The following PMFBP1 variants were observed in gnomAD, a reference collection of about 807,000 sequenced individuals.
PMFBP1 encodes the protein polyamine-modulated factor 1-binding protein 1.
A neutral mutation model predicts 137.8 loss-of-function variants in PMFBP1; 131 were observed. The ratio of observed to expected loss-of-function variants is 0.95; its 90% CI spans 0.82 to 1.10. The LOEUF (loss-of-function observed/expected upper bound fraction) is 1.10, where lower values mean the gene tolerates loss of function less well. PMFBP1 is among the 50% of genes least tolerant of loss of function. The probability of loss-of-function intolerance (pLI) is 0.00; values close to 1 mark genes in which losing one functional copy is unlikely to be tolerated. For synonymous variants in PMFBP1, 490 were observed against 450.4 expected, an observed-to-expected ratio of 1.09 and a Z score of -1.11; for missense variants, 1,199 against 1,175.4, an observed-to-expected ratio of 1.02 and a Z score of -0.29.
chr16:72,130,472 G>C, intron 11 of PMFBP1, 61 bp downstream of exon 11: 1 of 1,607,532 alleles, frequency 6.2e-7, no homozygotes, highest in Non-Finnish European at 8.5e-7. Flanking sequence ...TGCCCACAGA[G>C]GGCCCGGCTG....
chr16:72,165,424 T>C (rs1597491635), intron 2 of PMFBP1, among the ~76,000 whole-genome samples: 1 of 151,872 alleles, frequency 6.6e-6, no homozygotes, highest in East Asian at 1.9e-4. Context: ...CTTTCTTTTT[T>C]TTTTTTTTGA....
the PMFBP1 span, among the ~76,000 whole-genome samples, chr16:72,223,558 AATACC>A: frequency 3.3e-5 from 5 of 152,316 alleles, no homozygotes; most frequent in East Asian, 9.6e-4. Flanking sequence ...CAGTGTTTTG[AATACC>A]ATGCTGGACC....
At chr16:72,211,376 G>A in the PMFBP1 span, among the ~76,000 whole-genome samples, 1 of 152,126 alleles carries the variant, frequency 6.6e-6, no homozygotes, top group African/African-American at 2.4e-5. Context: ...TGGCCCTAGG[G>A]ACTAAACTTC....
Position 72,140,600 on chromosome 16 carries a change from A to T in PMFBP1, c.637-18T>A. The T allele has an allele frequency of 6.2e-7, 1 of 1,606,060 alleles. No individual in the cohort carries two copies. The highest frequency in any genetic ancestry group is 2.2e-5 in the East Asian group (1 of 44,786). The stretch of plus-strand genomic sequence containing the variant: ...TCAGGCTCCTGAGAGATTTAAAAAT[A>T]ATGGGTTGATTTTGCTTATAGTTTG... On this transcript the variant is annotated intron_variant, in intron 5 of 20. Coordinates refer to ENST00000237353, the MANE Select transcript of PMFBP1 (RefSeq NM_031293.3).
Position 72,128,765 on chromosome 16 carries a change from TTCC to T in PMFBP1, c.1977_1979del (p.Glu661del), listed in dbSNP as rs1567622391. The T allele has an allele frequency of 1.9e-6, 3 of 1,614,218 alleles. No individual in the cohort carries two copies. The highest frequency in any genetic ancestry group is 2.5e-6 in the Non-Finnish European group (3 of 1,180,038). ...GCTCTGCTCGGAGATTCTCATTTTC[TTCC>T]TCCAACTTTCTGGAATTCTCTTTCA... On this transcript the variant is annotated inframe_deletion, in exon 14 of 21. Coordinates refer to ENST00000237353, the MANE Select transcript of PMFBP1 (RefSeq NM_031293.3).
rs1335115302 is a variant in PMFBP1, at chr16:72,147,674, A to G, written c.636+2934T>C. Among the ~76,000 whole-genome samples the G allele has an allele frequency of 2.0e-5, 3 of 152,238 alleles. No individual in the cohort carries two copies. In the East Asian group the frequency reaches 5.8e-4, roughly 29 times the overall value. ...ATCTACAAAGAACTTAAACAAATTT[A>G]CAAGAAAAAAACAACCCCATCAAAA... On this transcript the variant is annotated intron_variant, in intron 5 of 20. Transcript: ENST00000237353.
At chr16:72,177,075 T>C (rs1422147080), upstream of PMFBP1, among the ~76,000 whole-genome samples, 1 of 152,172 alleles carries the variant, frequency 6.6e-6, no homozygotes, top group Non-Finnish European at 1.5e-5. Context: ...CCACTATTAC[T>C]CCCATGCCAT....
downstream of PMFBP1, among the ~76,000 whole-genome samples, chr16:72,117,541 C>T (rs1021238606): frequency 3.3e-5 from 5 of 152,136 alleles, no homozygotes; most frequent in African/African-American, 1.2e-4. Flanking sequence ...GCTGCCAGTA[C>T]GATGCTGAAT....
At chr16:72,156,928 C>A (rs937198898) in intron 3 of PMFBP1, among the ~76,000 whole-genome samples, 3 of 151,800 alleles carry the variant, frequency 2.0e-5, no homozygotes, top group African/African-American at 7.3e-5. Context: ...TGGCTCACAC[C>A]TGTAATCCCA....
chr16:72,133,971 G>C (rs948170467), intron 9 of PMFBP1, among the ~76,000 whole-genome samples: 16 of 152,062 alleles, frequency 1.1e-4, no homozygotes, highest in Non-Finnish European at 2.1e-4. Flanking sequence ...ACAAATGTTA[G>C]CCAGGCATGG....
the PMFBP1 span, among the ~76,000 whole-genome samples, chr16:72,189,578 C>T: frequency 4.6e-4 from 70 of 152,302 alleles, no homozygotes; most frequent in African/African-American, 1.5e-3. Context: ...AGATAAATTA[C>T]GGCAGAGTCC....
the PMFBP1 span, among the ~76,000 whole-genome samples, chr16:72,234,465 G>C: frequency 6.6e-6 from 1 of 152,234 alleles, no homozygotes; most frequent in African/African-American, 2.4e-5. Flanking sequence ...AGAGAATTAA[G>C]ATGCTAATGA....
rs2042892287 is a variant in PMFBP1 at position 72,150,844 on chromosome 16, A to G, written c.415-15T>C. The G allele has an allele frequency of 1.2e-6, 2 of 1,602,840 alleles. No individual in the cohort carries two copies. Among genetic ancestry groups the G allele is most frequent in the Non-Finnish European group, 1.7e-6 (2 of 1,172,212 alleles). On this transcript the variant is annotated splice_polypyrimidine_tract_variant and intron_variant, in intron 4 of 20. Transcript: ENST00000237353. ...TAGAGAATCACCTGTAGGTGTAGGA[A>G]TAAATCCACATTGAGCCCATGGAAG...
intron 5 of PMFBP1, among the ~76,000 whole-genome samples, chr16:72,140,928 CTTTTTTTTTT>C (rs35908141): frequency 5.7e-5 from 4 of 69,786 alleles, no homozygotes; most frequent in Admixed American, 2.0e-4. Context: ...ACAAATGAGT[CTTTTTTTTTT>C]TTTTTTTTTT....
the PMFBP1 span, among the ~76,000 whole-genome samples, chr16:72,198,353 A>G: frequency 3.9e-5 from 6 of 152,354 alleles, no homozygotes; most frequent in South Asian, 1.2e-3. Flanking sequence ...ATTTCCCTGC[A>G]GATTTTAATC....
chr16:72,137,218 G>T (rs1169702215), intron 7 of PMFBP1, among the ~76,000 whole-genome samples: 4 of 152,306 alleles, frequency 2.6e-5, no homozygotes, highest in Admixed American at 2.6e-4. Flanking sequence ...ACAGACAGTT[G>T]TTTATGGAGA....
At chr16:72,164,578 G>A in intron 3 of PMFBP1, 186 bp downstream of exon 3, 1 of 1,238,568 alleles carries the variant, frequency 8.1e-7, no homozygotes, top group Non-Finnish European at 1.1e-6. Context: ...CCTGAAGGCA[G>A]GACTGGCATT....
the PMFBP1 span, among the ~76,000 whole-genome samples, chr16:72,195,108 C>G: frequency 2.0e-5 from 3 of 152,190 alleles, no homozygotes; most frequent in African/African-American, 7.2e-5. Flanking sequence ...CCAGGGAGTG[C>G]ACTTTGCGGA....
At chr16:72,190,081 G>A in the PMFBP1 span, among the ~76,000 whole-genome samples, 2 of 152,056 alleles carry the variant, frequency 1.3e-5, no homozygotes, top group Admixed American at 6.5e-5. Flanking sequence ...AGCAGCAATC[G>A]GGGAAGTCAC....
Sources: gnomAD v4.1 joint callset for allele counts (sites outside exome capture counted in the v4.1 genomes callset) on GRCh38, gnomAD v4.1.1 for gene constraint, MANE v1.5 for transcripts, NCBI Gene and HGNC (gene_info 2026-07-23, HGNC 2026-07-21) for gene names.